GAB2: variants seen among roughly 807,000 people sequenced by gnomAD.
GAB2 encodes GRB2-associated-binding protein 2.
In GAB2, 26 loss-of-function variants were observed where a neutral mutation model predicts 65.5. The ratio of observed to expected loss-of-function variants is 0.40; its 90% CI spans 0.29 to 0.55. GAB2 has a LOEUF of 0.55. Among genes scored for constraint, GAB2 ranks in the 20% least tolerant of loss-of-function variants. The pLI is 0.53. For synonymous variants in GAB2, 321 were observed against 329.6 expected, an observed-to-expected ratio of 0.97 and a Z score of 0.28; for missense variants, 884 against 875.8, an observed-to-expected ratio of 1.01 and a Z score of -0.12.
At chr11:78,320,399 T>A (rs1266913653) in intron 1 of GAB2, among the ~76,000 whole-genome samples, 1 of 152,008 alleles carries the variant, frequency 6.6e-6, no homozygotes, top group Non-Finnish European at 1.5e-5. Flanking sequence ...TGGTGCACCA[T>A]GAGAATTAAT....
chr11:78,364,941 G>A (rs982948736), intron 1 of GAB2, among the ~76,000 whole-genome samples: 3 of 152,082 alleles, frequency 2.0e-5, no homozygotes, highest in African/African-American at 7.2e-5. Flanking sequence ...GCAAGTAGGT[G>A]GCAATGCTAT....
intron 1 of GAB2, among the ~76,000 whole-genome samples, chr11:78,382,417 C>T (rs1452050837): frequency 1.3e-5 from 2 of 150,384 alleles, no homozygotes; most frequent in African/African-American, 4.9e-5. Flanking sequence ...CTCGCTCTGT[C>T]GCCCAGGCTG....
chr11:78,231,628 G>A (rs562549806), intron 3 of GAB2, among the ~76,000 whole-genome samples: 3 of 152,166 alleles, frequency 2.0e-5, no homozygotes, highest in Non-Finnish European at 2.9e-5. Flanking sequence ...GATTACAGGC[G>A]TGAGCCACTG....
At chr11:78,408,144 T>G (rs955750152) in intron 1 of GAB2, among the ~76,000 whole-genome samples, 2 of 152,210 alleles carry the variant, frequency 1.3e-5, no homozygotes, top group Admixed American at 1.3e-4. Context: ...TAAATAGTCT[T>G]TCCTTCTGAG....
At chr11:78,392,315 C>T (rs1856844581) in intron 1 of GAB2, 1 of 151,970 alleles carries the variant, frequency 6.6e-6, no homozygotes, top group African/African-American at 2.4e-5. Context: ...AACCACTGTC[C>T]CATCACAAGG....
chr11:78,289,378 T>TA (rs1866585306), intron 1 of GAB2, among the ~76,000 whole-genome samples: 1 of 152,220 alleles, frequency 6.6e-6, no homozygotes, highest in Non-Finnish European at 1.5e-5. Flanking sequence ...ATCATGGACT[T>TA]AAACGTAAAA....
intron 1 of GAB2, among the ~76,000 whole-genome samples, chr11:78,378,154 A>G (rs1319482598): frequency 6.6e-6 from 1 of 152,204 alleles, no homozygotes; most frequent in Non-Finnish European, 1.5e-5. Context: ...GAGTTCTAAA[A>G]GTAAGGACCT....
intron 1 of GAB2, among the ~76,000 whole-genome samples, chr11:78,406,535 G>A (rs1391749576): frequency 6.6e-6 from 1 of 152,056 alleles, no homozygotes; most frequent in Non-Finnish European, 1.5e-5. Context: ...CTGCCACCAT[G>A]CCTGGGTAAT....
At chr11:78,305,273 A>AT (rs1028525121) in intron 1 of GAB2, among the ~76,000 whole-genome samples, 3 of 152,066 alleles carry the variant, frequency 2.0e-5, no homozygotes, top group Admixed American at 1.3e-4. Flanking sequence ...GTCTTTTTTT[A>AT]TTTTTTTATA....
chr11:78,275,831 C>T (rs921863195), intron 2 of GAB2, among the ~76,000 whole-genome samples: 8 of 151,708 alleles, frequency 5.3e-5, no homozygotes, highest in African/African-American at 4.8e-5. Flanking sequence ...AATATATTTC[C>T]GGCCAGGCGT....
chr11:78,250,913 G>A (rs1728575512), intron 2 of GAB2, among the ~76,000 whole-genome samples: 1 of 152,108 alleles, frequency 6.6e-6, no homozygotes, highest in Non-Finnish European at 1.5e-5. Flanking sequence ...GGTGCACATG[G>A]ACATAAAGAC....
intron 1 of GAB2, among the ~76,000 whole-genome samples, chr11:78,375,736 T>C (rs1036164150): frequency 2.0e-5 from 3 of 152,182 alleles, no homozygotes; most frequent in Non-Finnish European, 2.9e-5. Flanking sequence ...GATATAGCCT[T>C]CCATTTTCCC....
At chr11:78,324,621 T>C (rs927171385) in intron 1 of GAB2, 10 of 152,314 alleles carry the variant, frequency 6.6e-5, no homozygotes, top group East Asian at 5.8e-4. Flanking sequence ...TCAATCCATA[T>C]GCTAGATGCC....
intron 3 of GAB2, among the ~76,000 whole-genome samples, chr11:78,242,120 AAC>A (rs970748571): frequency 4.0e-4 from 37 of 91,488 alleles, no homozygotes; most frequent in Non-Finnish European, 8.1e-4. Flanking sequence ...AGAAATCAGT[AAC>A]AAGAGGAAAT....
At position 78,220,420 on chromosome 11, in the gene GAB2, C is replaced by CG; in HGVS notation, c.1785dup (p.Val596ArgfsTer11). 6.3e-7 allele frequency: 1 copy of CG among 1,587,346 alleles called. No homozygotes were observed. On this transcript the variant is annotated frameshift_variant, in exon 9 of 10. Coordinates refer to ENST00000361507, the MANE Select transcript of GAB2 (RefSeq NM_080491.3). LOFTEE classifies it high-confidence loss of function. ...GCAGGACTGTTCGTGCCACTGGGAA[C>CG]GGGAGATGCAGACACTGGGTTTTGC...
At chr11:78,367,653 G>T (rs1271158972) in intron 1 of GAB2, among the ~76,000 whole-genome samples, 1 of 152,116 alleles carries the variant, frequency 6.6e-6, no homozygotes, top group Admixed American at 6.5e-5. Flanking sequence ...CATGTATCAT[G>T]ATTTTTGGCT....
At chr11:78,361,172 A>G (rs1856430330) in intron 1 of GAB2, among the ~76,000 whole-genome samples, 1 of 152,216 alleles carries the variant, frequency 6.6e-6, no homozygotes, top group African/African-American at 2.4e-5. Flanking sequence ...TAAAGCTGAA[A>G]CAAAGTTGAA....
At chr11:78,385,022 T>A (rs566174108) in intron 1 of GAB2, among the ~76,000 whole-genome samples, 2 of 152,158 alleles carry the variant, frequency 1.3e-5, no homozygotes, top group African/African-American at 2.4e-5. Context: ...GAGACTGCCA[T>A]CTCTCTAGGG....
At chr11:78,322,165 C>T (rs1258660045) in intron 1 of GAB2, among the ~76,000 whole-genome samples, 1 of 151,108 alleles carries the variant, frequency 6.6e-6, no homozygotes, top group Non-Finnish European at 1.5e-5. Context: ...ATTAGCCGGG[C>T]GTGGTGGTAC....
Sources: allele counts gnomAD v4.1 joint callset (sites outside exome capture counted in the v4.1 genomes callset), GRCh38; gene constraint gnomAD v4.1.1; transcripts MANE v1.5; gene names NCBI Gene and HGNC (gene_info 2026-07-23, HGNC 2026-07-21).